The following CFAP20 variants were observed in gnomAD, a reference collection of about 807,000 sequenced individuals.
The protein encoded by CFAP20 is cilia and flagella associated protein 20, also known as cilia- and flagella-associated protein 20.
A neutral mutation model predicts 25.5 loss-of-function variants in CFAP20; 14 were observed. The observed-to-expected ratio is 0.55, with a 90% CI of 0.36 to 0.86. CFAP20 has a LOEUF of 0.86. CFAP20 is among the 40% of genes least tolerant of loss of function. The probability of loss-of-function intolerance (pLI) is 0.01; values close to 1 mark genes in which losing one functional copy is unlikely to be tolerated. For missense variants in CFAP20, 181 were observed against 248.0 expected (o/e 0.73, Z 1.81); for synonymous variants, 75 against 91.1 (o/e 0.82, Z 1.01).
chr16:58,127,078 C>T (rs775950271), intron 1 of CFAP20, among the ~76,000 whole-genome samples: 1 of 152,170 alleles, frequency 6.6e-6, no homozygotes, highest in African/African-American at 2.4e-5. Context: ...CCATGCCAAT[C>T]GATTTAACAA....
chr16:58,115,489 G>C lies in CFAP20; in HGVS notation c.277-32C>G. ...AATACAGAGAAGAAGCATCACACTA[G>C]CTCTGTCTTGGAAGAAGCACACAAC... On this transcript the variant is annotated intron_variant, in intron 3 of 5. Coordinates refer to ENST00000262498, the MANE Select transcript of CFAP20 (RefSeq NM_013242.3). 6 of 1,606,868 alleles carry C rather than the reference G, an allele frequency of 3.7e-6. No homozygotes were observed. The African/African-American group carries it at 5.3e-5, about 14-fold the overall frequency.
intron 1 of CFAP20, among the ~76,000 whole-genome samples, chr16:58,124,144 A>G (rs1960577275): frequency 6.6e-6 from 1 of 152,170 alleles, no homozygotes; most frequent in Non-Finnish European, 1.5e-5. Context: ...AGAACAAGTG[A>G]AGCAGGTGCC....
intron 4 of CFAP20, 174 bp downstream of exon 4, chr16:58,115,095 T>A: frequency 1.9e-6 from 2 of 1,040,592 alleles, no homozygotes; most frequent in Non-Finnish European, 2.9e-6. Flanking sequence ...TTCACCTCTA[T>A]ACCTGACCCG....
chr16:58,121,035 G>A (rs944879207), intron 1 of CFAP20, among the ~76,000 whole-genome samples: 11 of 152,332 alleles, frequency 7.2e-5, no homozygotes, highest in South Asian at 4.1e-4. Flanking sequence ...AAAGAGTAGC[G>A]TGGAGGTGGT....
At chr16:58,115,967 A>C in intron 3 of CFAP20, 74 bp downstream of exon 3, 1 of 1,067,704 alleles carries the variant, frequency 9.4e-7, no homozygotes, top group Non-Finnish European at 1.4e-6. Flanking sequence ...TTGTAGGGTC[A>C]CTTTTTCCCA....
chr16:58,125,963 G>A (rs570706550), intron 1 of CFAP20, among the ~76,000 whole-genome samples: 2 of 152,282 alleles, frequency 1.3e-5, no homozygotes, highest in South Asian at 2.1e-4. Flanking sequence ...TGACTGAAAC[G>A]CCATCATGTG....
chr16:58,114,833 G>A lies in CFAP20; in HGVS notation c.553C>T (p.Leu185Phe), dbSNP rs771628374. ...DELPAEFKLY[L>F]PVQNKAKQ ...ACCTTTGCCTTGTTCTGAACTGGGAGATACAGTTTGAACTCTGCCGGCAGC... is the reference window on the plus strand; with the variant it reads ...ACCTTTGCCTTGTTCTGAACTGGGAAATACAGTTTGAACTCTGCCGGCAGC... Residue 185 changes from leucine (L) to phenylalanine (F), a missense_variant, in exon 5 of 6, where the codon CTC (leucine) becomes TTC (phenylalanine). Physicochemically the swap from Leu to Phe is conservative, Grantham distance 22 (BLOSUM62 0). Transcript: ENST00000262498. The A allele has an allele frequency of 6.2e-7, 1 of 1,613,842 alleles. No homozygotes were observed. Among genetic ancestry groups the A allele is most frequent in the South Asian group, 1.1e-5 (1 of 91,088 alleles).
intron 1 of CFAP20, among the ~76,000 whole-genome samples, chr16:58,124,207 A>T (rs1372603814): frequency 6.6e-6 from 1 of 152,210 alleles, no homozygotes; most frequent in African/African-American, 2.4e-5. Flanking sequence ...GGGCTGGGCG[A>T]GCCACGGTGC....
chr16:58,121,659 C>T (rs1305568751), intron 1 of CFAP20, among the ~76,000 whole-genome samples: 1 of 152,330 alleles, frequency 6.6e-6, no homozygotes, highest in Middle Eastern at 3.4e-3. Flanking sequence ...TCTGCCTCTG[C>T]AGACAACAGA....
intron 1 of CFAP20, 108 bp from the exon 2 acceptor site, chr16:58,117,059 C>A: frequency 1.1e-6 from 1 of 915,886 alleles, no homozygotes; most frequent in Non-Finnish European, 1.7e-6. Context: ...ATTTGTGACA[C>A]AGCACACTGA....
intron 1 of CFAP20, among the ~76,000 whole-genome samples, chr16:58,122,686 A>C (rs1353753017): frequency 1.3e-5 from 2 of 152,236 alleles, no homozygotes; most frequent in Admixed American, 6.5e-5. Context: ...AAAAAGTTTT[A>C]CCACCTTTAT....
In CFAP20 at chr16:58,116,114, GTCT is replaced by G. The variant is rs774727875; in HGVS notation, c.200_202del (p.Lys67del). The G allele has an allele frequency of 4.8e-5, 77 of 1,613,556 alleles. No homozygotes were observed. Among genetic ancestry groups the G allele is most frequent in the Non-Finnish European group, 6.4e-5 (75 of 1,179,644 alleles). On this transcript the variant is annotated inframe_deletion, in exon 3 of 6. Coordinates refer to ENST00000262498, the MANE Select transcript of CFAP20 (RefSeq NM_013242.3). Reference sequence around the variant, plus strand: ...AAGGAAAGGAAGTTTAATTCCCAGCGTCTTCTTGGGGTCTGCAGGGCATGTGAT... The same window carrying G: ...AAGGAAAGGAAGTTTAATTCCCAGCGTCTTGGGGTCTGCAGGGCATGTGAT...
rs532781083 is a variant in CFAP20, at chr16:58,115,959, G to C, written c.276+82C>G. The C allele has an allele frequency of 3.3e-5, 32 of 964,636 alleles. No homozygotes were observed. In the African/African-American group the frequency reaches 4.4e-4, roughly 13 times the overall value. The allele number at this position is 964,636 out of a possible 1,614,324, so 59.8% of individuals were successfully genotyped here. The stretch of plus-strand genomic sequence containing the variant: ...ACATGCAAAAGGATAAAGATACTTT[G>C]TAGGGTCACTTTTTCCCATCAGTTC... On this transcript the variant is annotated intron_variant, in intron 3 of 5. Transcript: ENST00000262498.
chr16:58,121,166 C>T (rs1428568079), intron 1 of CFAP20, among the ~76,000 whole-genome samples: 1 of 152,178 alleles, frequency 6.6e-6, no homozygotes, highest in African/African-American at 2.4e-5. Flanking sequence ...CTCCCCACCA[C>T]CCTGGCCATG....
At chr16:58,122,034 G>T (rs1960540507) in intron 1 of CFAP20, among the ~76,000 whole-genome samples, 1 of 152,220 alleles carries the variant, frequency 6.6e-6, no homozygotes, top group African/African-American at 2.4e-5. Flanking sequence ...ATTTCAGCAG[G>T]AAAGTTCCTG....
intron 5 of CFAP20, 29 bp downstream of exon 5, chr16:58,114,781 G>A (rs753688434): frequency 2.6e-6 from 4 of 1,556,898 alleles, no homozygotes; most frequent in South Asian, 1.1e-5. Context: ...ACTCACTGGT[G>A]GACCTTCCTC....
At chr16:58,119,784 C>A (rs1218684223) in intron 1 of CFAP20, among the ~76,000 whole-genome samples, 1 of 151,948 alleles carries the variant, frequency 6.6e-6, no homozygotes, top group South Asian at 2.1e-4. Flanking sequence ...TGTTCCCAAC[C>A]TAAGTGCCCA....
At chr16:58,126,499 G>A (rs906055860) in intron 1 of CFAP20, among the ~76,000 whole-genome samples, 7 of 152,060 alleles carry the variant, frequency 4.6e-5, no homozygotes, top group African/African-American at 1.4e-4. Context: ...CATAGAAACC[G>A]AACAGAAATT....
chr16:58,125,612 A>T (rs370632668), intron 1 of CFAP20, among the ~76,000 whole-genome samples: 34 of 152,258 alleles, frequency 2.2e-4, no homozygotes, highest in African/African-American at 8.2e-4. Flanking sequence ...TGAGCCCAGG[A>T]GATGGAGACT....
Sources: allele counts gnomAD v4.1 joint callset (sites outside exome capture counted in the v4.1 genomes callset), GRCh38; gene constraint gnomAD v4.1.1; transcripts MANE v1.5; gene names NCBI Gene and HGNC (gene_info 2026-07-23, HGNC 2026-07-21).